AASDH: variants seen among roughly 807,000 people sequenced by gnomAD.
AASDH encodes the protein beta-alanine-activating enzyme.
AASDH carries 81 observed loss-of-function variants against 102.3 expected under a neutral mutation model. That is an observed-to-expected ratio of 0.79 (90% CI 0.66 to 0.95). AASDH has a LOEUF of 0.95. AASDH is among the 40% of genes least tolerant of loss of function. The pLI is 0.00. For missense variants in AASDH, 1,203 were observed against 1,266.2 expected, an observed-to-expected ratio of 0.95 and a Z score of 0.76; for synonymous variants, 398 against 454.0, an observed-to-expected ratio of 0.88 and a Z score of 1.57.
intron 11 of AASDH, among the ~76,000 whole-genome samples, 197 bp from the exon 12 acceptor site, chr4:56,345,487 T>C (rs926844169): frequency 1.3e-5 from 2 of 152,222 alleles, no homozygotes; most frequent in East Asian, 3.9e-4. Flanking sequence ...ATTTAGTAGG[T>C]GTATCTTATC....
chr4:56,384,447 A>T, intron 1 of AASDH, 106 bp from the exon 2 acceptor site: 1 of 599,984 alleles, frequency 1.7e-6, no homozygotes, highest in Non-Finnish European at 2.9e-6. Flanking sequence ...TAATTATATC[A>T]AAGATATATA....
intron 4 of AASDH, among the ~76,000 whole-genome samples, chr4:56,373,830 TGTA>T (rs1189578495): frequency 3.6e-4 from 9 of 25,036 alleles, no homozygotes; most frequent in Non-Finnish European, 4.9e-4. Flanking sequence ...ATACAGTTCA[TGTA>T]GTTCCATGTA....
chr4:56,344,405 A>T (rs1165644801), intron 12 of AASDH, among the ~76,000 whole-genome samples: 1 of 152,106 alleles, frequency 6.6e-6, no homozygotes, highest in East Asian at 1.9e-4. Context: ...TTCATGAACT[A>T]TTTATATACA....
intron 5 of AASDH, among the ~76,000 whole-genome samples, chr4:56,360,079 G>A (rs1419551389): frequency 6.6e-6 from 1 of 152,208 alleles, no homozygotes; most frequent in Non-Finnish European, 1.5e-5. Context: ...CTACATCCCA[G>A]TAGGTACTTA....
At chr4:56,341,941 G>A (rs13131846) in intron 14 of AASDH, among the ~76,000 whole-genome samples, 47,881 of 150,932 alleles carry the variant, frequency 0.32, 8,939 homozygotes, top group Non-Finnish European at 0.43. Flanking sequence ...GTGAAACCCC[G>A]TCTCTACTAA....
rs764207178 is a variant in AASDH, at chr4:56,351,392, T to C, written c.1642A>G (p.Lys548Glu). 3.2e-5 allele frequency: 52 copies of C among 1,604,950 alleles called. No homozygotes were observed. Among genetic ancestry groups the C allele is most frequent in the Non-Finnish European group, 4.4e-5 (52 of 1,173,614 alleles). Residue 548 changes from lysine (K) to glutamate (E), a missense_variant, in exon 10 of 15, where the codon AAG becomes GAG. By Grantham distance (56) the Lys-to-Glu change is moderately conservative. Transcript: ENST00000205214. ...LNYINLKSEN[K>E]LSGKEDLWEK... ...CAAAGGTCCTCTTTCCCACTGAGCT[T>C]ATTCTCAGACTTCAAGTTTATGTAG...
chr4:56,357,545 C>A (rs1291626870), intron 5 of AASDH, among the ~76,000 whole-genome samples: 1 of 151,840 alleles, frequency 6.6e-6, no homozygotes, highest in Non-Finnish European at 1.5e-5. Context: ...AGTCTCCTCT[C>A]CAACTGGACC....
chr4:56,348,078 G>A (rs1748525862), intron 11 of AASDH, among the ~76,000 whole-genome samples: 3 of 151,804 alleles, frequency 2.0e-5, no homozygotes, highest in Admixed American at 1.3e-4. Flanking sequence ...TTGAACCCGG[G>A]AGGTGGAGGT....
intron 4 of AASDH, among the ~76,000 whole-genome samples, chr4:56,377,863 G>C (rs1752533806): frequency 6.6e-6 from 1 of 152,140 alleles, no homozygotes; most frequent in Non-Finnish European, 1.5e-5. Flanking sequence ...GGAGTGCAGT[G>C]GCATAGTCTC....
At position 56,366,248 on chromosome 4, in the gene AASDH, A is replaced by T. The variant is rs1204984738; in HGVS notation, c.861+5203T>A. 2.0e-5 allele frequency among the ~76,000 whole-genome samples: 3 copies of T among 152,338 alleles called. No homozygotes were observed. In the East Asian group the frequency reaches 5.8e-4, roughly 29 times the overall value. On this transcript the variant is annotated intron_variant, in intron 5 of 14. Coordinates refer to ENST00000205214, the MANE Select transcript of AASDH (RefSeq NM_181806.4). Reference sequence around the variant, plus strand: ...AATTAATAGCCTACGAACCAAAAAAAGTCCAGGACCAGGTTGATTCACAGC... The same window carrying T: ...AATTAATAGCCTACGAACCAAAAAATGTCCAGGACCAGGTTGATTCACAGC...
chr4:56,355,201 T>C lies in AASDH; in HGVS notation c.1084A>G (p.Thr362Ala). The C allele has an allele frequency of 6.2e-7, 1 of 1,613,858 alleles. No individual in the cohort carries two copies. The part of the protein sequence containing the change: ...WATIYRIPEK[T>A]LNSTLKCELP... ...CCTTACTTGAGAGTAGAGTTAAGAG[T>C]CTTCTCTGGAATCCTATAAATGGTC... The change falls in exon 6 of 15, where the codon ACT becomes GCT. Residue 362 changes from threonine (T) to alanine (A), a missense_variant. By Grantham distance (58) the Thr-to-Ala change is moderately conservative. Transcript: ENST00000205214.
At chr4:56,367,849 A>G (rs1400044552) in intron 5 of AASDH, among the ~76,000 whole-genome samples, 1 of 151,746 alleles carries the variant, frequency 6.6e-6, no homozygotes, top group Non-Finnish European at 1.5e-5. Flanking sequence ...AATGACAACA[A>G]AAGCCAAAAT....
rs558754333 is a variant in AASDH, at chr4:56,354,919, G to A, written c.1104-108C>T. On this transcript the variant is annotated intron_variant, in intron 6 of 14. Coordinates refer to ENST00000205214, the MANE Select transcript of AASDH (RefSeq NM_181806.4). ...AAATAAAGAAAAAAAAGTTTGTTACGCTCTAATTCAAAGACTGACAAGAGG... is the reference window on the plus strand; with the variant it reads ...AAATAAAGAAAAAAAAGTTTGTTACACTCTAATTCAAAGACTGACAAGAGG... 6 of 932,468 alleles carry A rather than the reference G, an allele frequency of 6.4e-6. No homozygotes were observed. The South Asian group carries it at 8.3e-5, about 13-fold the overall frequency. The allele number at this position is 932,468 out of a possible 1,614,324, so 57.8% of individuals were successfully genotyped here.
intron 5 of AASDH, among the ~76,000 whole-genome samples, chr4:56,364,384 T>C (rs7664264): frequency 0.64 from 96,353 of 151,650 alleles, 30,705 homozygotes; most frequent in Admixed American, 0.71. Flanking sequence ...AAAGATACTC[T>C]TCAAGAAGAG....
chr4:56,384,365 G>C lies in AASDH; in HGVS notation c.-42-24C>G, dbSNP rs924084228. 3.0e-5 allele frequency: 43 copies of C among 1,454,694 alleles called. No homozygotes were observed. The Admixed American group carries it at 3.1e-4, about 10-fold the overall frequency. The allele number at this position is 1,454,694 out of a possible 1,614,324, so 90.1% of individuals were successfully genotyped here. On this transcript the variant is annotated intron_variant, in intron 1 of 14. Coordinates refer to ENST00000205214, the MANE Select transcript of AASDH (RefSeq NM_181806.4). ...CCCTGTGTATATACAGAAGTGTTAGGGGGAGAGGGAGTTTTAGAGAGCTCG... is the reference window on the plus strand; with the variant it reads ...CCCTGTGTATATACAGAAGTGTTAGCGGGAGAGGGAGTTTTAGAGAGCTCG...
At chr4:56,374,527 A>C (rs1578053456) in intron 4 of AASDH, among the ~76,000 whole-genome samples, 1 of 152,166 alleles carries the variant, frequency 6.6e-6, no homozygotes, top group Non-Finnish European at 1.5e-5. Context: ...GCCATGAAGA[A>C]GACAGAAAGA....
At chr4:56,339,830 A>AAGAGTT (rs35969844) in intron 14 of AASDH, among the ~76,000 whole-genome samples, 1 of 151,288 alleles carries the variant, frequency 6.6e-6, no homozygotes, top group East Asian at 2.0e-4. Context: ...TGTAGGAAAA[A>AAGAGTT]AGTTAATTGT....
chr4:56,376,484 T>C (rs976031937), intron 4 of AASDH, among the ~76,000 whole-genome samples: 1 of 152,232 alleles, frequency 6.6e-6, no homozygotes, highest in Admixed American at 6.5e-5. Flanking sequence ...TCTCCAATCT[T>C]GGGGATTAAG....
rs533411352 is a variant in AASDH, at chr4:56,385,468, G to T, written c.-42-1127C>A. Among the ~76,000 whole-genome samples, 19 of 152,248 alleles carry T rather than the reference G, an allele frequency of 1.2e-4. No homozygotes were observed. In the South Asian group the frequency reaches 3.9e-3, roughly 32 times the overall value. On this transcript the variant is annotated intron_variant, in intron 1 of 14. Transcript: ENST00000205214. ...AGATTCGAAACAGTATTTCAAGAAA[G>T]AAACACTCGGGATCAACGGTAAAAA...
Sources: allele counts gnomAD v4.1 joint callset (sites outside exome capture counted in the v4.1 genomes callset), GRCh38; gene constraint gnomAD v4.1.1; transcripts MANE v1.5; gene names NCBI Gene and HGNC (gene_info 2026-07-23, HGNC 2026-07-21).